SGCD: variants seen among roughly 807,000 people sequenced by gnomAD.
The protein encoded by SGCD is delta-sarcoglycan.
SGCD carries 18 observed loss-of-function variants against 36.6 expected under a neutral mutation model. The observed-to-expected ratio is 0.49, with a 90% CI of 0.34 to 0.73. The LOEUF (loss-of-function observed/expected upper bound fraction) is 0.73. SGCD is among the 30% of genes least tolerant of loss of function. The pLI, the probability that SGCD is intolerant of heterozygous loss-of-function variation, is 0.01. For synonymous variants in SGCD, 133 were observed against 130.6 expected (o/e 1.02, Z -0.12); for missense variants, 387 against 346.7 (o/e 1.12, Z -0.92).
At chr5:156,448,125 C>A (rs567858136) in intron 3 of SGCD, among the ~76,000 whole-genome samples, 1 of 152,206 alleles carries the variant, frequency 6.6e-6, no homozygotes, top group South Asian at 2.1e-4. Context: ...TCTCAAGTCA[C>A]CTTTTCTGTA....
At chr5:156,290,495 G>A (rs1766729757) in intron 3 of SGCD, among the ~76,000 whole-genome samples, 2 of 150,558 alleles carry the variant, frequency 1.3e-5, no homozygotes, top group South Asian at 2.1e-4. Context: ...TACTGTCTCC[G>A]AGTCCTAGTG....
intron 1 of SGCD, among the ~76,000 whole-genome samples, chr5:156,095,973 G>C (rs1377707935): frequency 6.6e-6 from 1 of 152,212 alleles, no homozygotes; most frequent in Non-Finnish European, 1.5e-5. Flanking sequence ...CTGACATTCT[G>C]AGTTCTGAAG....
intron 4 of SGCD, among the ~76,000 whole-genome samples, chr5:156,522,612 G>GA (rs945844920): frequency 2.0e-5 from 3 of 151,994 alleles, no homozygotes; most frequent in African/African-American, 7.3e-5. Flanking sequence ...AGAGCATCAG[G>GA]AAAAACAGTT....
intron 1 of SGCD, among the ~76,000 whole-genome samples, chr5:155,913,230 T>C (rs567589279): frequency 1.0e-3 from 159 of 152,236 alleles, no homozygotes; most frequent in Non-Finnish European, 1.8e-3. Context: ...ACAAATTCTT[T>C]TGCAAAAAAT....
intron 3 of SGCD, among the ~76,000 whole-genome samples, chr5:156,467,417 T>TAAAG (rs1754764846): frequency 6.6e-6 from 1 of 152,140 alleles, no homozygotes; most frequent in South Asian, 2.1e-4. Flanking sequence ...CTCACTGCAC[T>TAAAG]AAAGAAAGAA....
intron 1 of SGCD, among the ~76,000 whole-genome samples, chr5:156,017,071 T>G (rs1300963985): frequency 1.3e-5 from 2 of 152,164 alleles, no homozygotes; most frequent in Non-Finnish European, 2.9e-5. Flanking sequence ...AGTAAATCAT[T>G]ATGCTTTTGA....
the SGCD span, among the ~76,000 whole-genome samples, chr5:155,844,409 G>A: frequency 2.1e-5 from 3 of 145,150 alleles, no homozygotes; most frequent in Admixed American, 2.0e-4. Flanking sequence ...GCCAGAGGGT[G>A]TTGCTAAGGC....
At chr5:156,070,215 C>A (rs900159740) in intron 1 of SGCD, among the ~76,000 whole-genome samples, 88 of 151,250 alleles carry the variant, frequency 5.8e-4, no homozygotes, top group Non-Finnish European at 1.1e-3. Context: ...TGCCAGTTTT[C>A]AAAGGGAACG....
intron 4 of SGCD, among the ~76,000 whole-genome samples, chr5:156,524,287 T>TTATATATATATATATA (rs5872468): frequency 5.4e-5 from 7 of 130,172 alleles, no homozygotes; most frequent in African/African-American, 2.0e-4. Context: ...ATATATATAG[T>TTATATATATATATATA]TATATATATA....
At chr5:156,510,004 A>C (rs1284334478) in intron 4 of SGCD, among the ~76,000 whole-genome samples, 2 of 152,208 alleles carry the variant, frequency 1.3e-5, no homozygotes, top group African/African-American at 4.8e-5. Flanking sequence ...GATTAGCATA[A>C]TTATTGAAAT....
intron 3 of SGCD, among the ~76,000 whole-genome samples, chr5:156,426,305 G>A (rs1773668800): frequency 6.6e-6 from 1 of 152,008 alleles, no homozygotes; most frequent in South Asian, 2.1e-4. Context: ...TTGTGGTTTT[G>A]ATTTGCATTT....
chr5:155,764,546 G>T, the SGCD span, among the ~76,000 whole-genome samples: 1 of 152,116 alleles, frequency 6.6e-6, no homozygotes, highest in African/African-American at 2.4e-5. Context: ...ACTTTTCATG[G>T]CAGATCAAAA....
intron 8 of SGCD, among the ~76,000 whole-genome samples, chr5:156,758,523 T>C (rs1277992062): frequency 6.6e-6 from 1 of 152,134 alleles, no homozygotes; most frequent in East Asian, 1.9e-4. Context: ...ATTTCCTATT[T>C]TGTTTTAGAA....
chr5:155,993,722 T>C (rs1758482474), intron 1 of SGCD, among the ~76,000 whole-genome samples: 1 of 152,180 alleles, frequency 6.6e-6, no homozygotes, highest in Non-Finnish European at 1.5e-5. Flanking sequence ...TTGGTCAGAA[T>C]ATCTTGCCCA....
At chr5:156,398,767 G>C (rs948188611) in intron 3 of SGCD, among the ~76,000 whole-genome samples, 33 of 152,180 alleles carry the variant, frequency 2.2e-4, no homozygotes, top group African/African-American at 7.2e-4. Context: ...TAACTGGACA[G>C]AGGACTTCTA....
intron 3 of SGCD, among the ~76,000 whole-genome samples, chr5:156,499,052 A>T (rs939479197): frequency 2.0e-5 from 3 of 152,076 alleles, no homozygotes; most frequent in Non-Finnish European, 4.4e-5. Flanking sequence ...AGTGTTTAGC[A>T]CAGGGCTGGG....
intron 1 of SGCD, among the ~76,000 whole-genome samples, chr5:155,888,158 C>T (rs1481109398): frequency 1.3e-5 from 2 of 152,222 alleles, no homozygotes; most frequent in African/African-American, 2.4e-5. Flanking sequence ...TTCTACAAAT[C>T]TCTCTTCTGA....
chr5:156,101,770 A>T (rs1354707186), intron 1 of SGCD, among the ~76,000 whole-genome samples: 4 of 152,168 alleles, frequency 2.6e-5, no homozygotes, highest in Non-Finnish European at 4.4e-5. Flanking sequence ...AGACTTTTTC[A>T]GTCAGATAGA....
chr5:156,391,413 T>A (rs1292439246), intron 3 of SGCD, among the ~76,000 whole-genome samples: 1 of 152,236 alleles, frequency 6.6e-6, no homozygotes, highest in East Asian at 1.9e-4. Context: ...CAGTCAGCCC[T>A]CTGTATCTGT....
Sources: allele counts gnomAD v4.1 joint callset (sites outside exome capture counted in the v4.1 genomes callset), GRCh38; gene constraint gnomAD v4.1.1; transcripts MANE v1.5; gene names NCBI Gene and HGNC (gene_info 2026-07-23, HGNC 2026-07-21).